The following ERC2 variants were observed in gnomAD, a reference collection of about 807,000 sequenced individuals.
ERC2 encodes the protein ELKS/RAB6-interacting/CAST family member 2.
ERC2 carries 42 observed loss-of-function variants against 114.8 expected under a neutral mutation model. That is an observed-to-expected ratio of 0.37 (90% CI 0.29 to 0.47). ERC2 has a LOEUF of 0.47. Among genes scored for constraint, ERC2 ranks in the 20% least tolerant of loss-of-function variants. The probability of loss-of-function intolerance (pLI) is 0.99; values close to 1 mark genes in which losing one functional copy is unlikely to be tolerated. For missense variants in ERC2, 939 were observed against 1,150.7 expected, an observed-to-expected ratio of 0.82 and a Z score of 2.66; for synonymous variants, 454 against 425.5, an observed-to-expected ratio of 1.07 and a Z score of -0.82.
At chr3:56,060,019 G>T (rs2076181999) in intron 7 of ERC2, among the ~76,000 whole-genome samples, 1 of 152,132 alleles carries the variant, frequency 6.6e-6, no homozygotes, top group Non-Finnish European at 1.5e-5. Context: ...ACATCTGCCT[G>T]GTTCCTCAGC....
intron 13 of ERC2, among the ~76,000 whole-genome samples, chr3:55,933,305 A>C (rs2066239249): frequency 6.6e-6 from 1 of 152,204 alleles, no homozygotes; most frequent in African/African-American, 2.4e-5. Flanking sequence ...CCCTCTGTGC[A>C]AAAATGAAAC....
intron 17 of ERC2, among the ~76,000 whole-genome samples, chr3:55,667,261 C>T (rs1191729465): frequency 6.6e-6 from 1 of 152,172 alleles, no homozygotes; most frequent in African/African-American, 2.4e-5. Flanking sequence ...AGATAGTGCT[C>T]ATCTTATGAT....
At chr3:55,696,326 C>T (rs148117924) in intron 16 of ERC2, among the ~76,000 whole-genome samples, 173 of 152,318 alleles carry the variant, frequency 1.1e-3, no homozygotes, top group African/African-American at 4.0e-3. Context: ...TGTAGCCCTT[C>T]TTCCATAAGT....
intron 6 of ERC2, among the ~76,000 whole-genome samples, chr3:56,090,823 G>T: frequency 6.7e-6 from 1 of 149,692 alleles, no homozygotes; most frequent in African/African-American, 2.5e-5. Context: ...TTCTAGCTTT[G>T]TCCACTGTAG....
At chr3:56,309,793 A>G (rs1351845475) in intron 2 of ERC2, among the ~76,000 whole-genome samples, 1 of 152,222 alleles carries the variant, frequency 6.6e-6, no homozygotes, top group African/African-American at 2.4e-5. Context: ...TGCTCCACAA[A>G]TGTTAGCTAT....
In ERC2 at chr3:56,355,326, C is replaced by CT. The variant is rs11329878; in HGVS notation, c.658-58892dup. Among the ~76,000 whole-genome samples, 655 of 141,010 alleles carry CT rather than the reference C, an allele frequency of 4.6e-3. 2 individuals are homozygous for CT. The highest frequency in any genetic ancestry group is 0.013 in the African/African-American group (487 of 38,262). 92.5% of individuals were successfully genotyped at this position (141,010 alleles called of 152,430 possible). A position where few individuals can be genotyped will look rare whatever the true frequency, so the allele number is the denominator to read the frequency against. On this transcript the variant is annotated intron_variant, in intron 2 of 17. Coordinates refer to ENST00000288221, the MANE Select transcript of ERC2 (RefSeq NM_015576.3). ...TTCTTTTTCTTTTTCTTTTTTCTTT[C>CT]TTTTTTTTTTTTAACACATTCTCAC...
Position 55,915,161 on chromosome 3 carries a change from T to TGG in ERC2, c.2404-26613_2404-26612insCC, listed in dbSNP as rs141376020. Among the ~76,000 whole-genome samples the TGG allele has an allele frequency of 9.0e-3, 1,371 of 152,272 alleles. 20 individuals carry two copies. Among genetic ancestry groups the TGG allele is most frequent in the African/African-American group, 0.031 (1,290 of 41,556 alleles). ...AGTAATTTCCATATTTGTCTCTACT[T>TGG]TACCAAGTATATAAACCCTATGCTG... is the stretch of plus-strand genomic sequence containing the variant. On this transcript the variant is annotated intron_variant, in intron 13 of 17. Coordinates refer to ENST00000288221, the MANE Select transcript of ERC2 (RefSeq NM_015576.3).
chr3:55,965,231 T>A (rs1426235435), intron 12 of ERC2, among the ~76,000 whole-genome samples: 1 of 152,202 alleles, frequency 6.6e-6, no homozygotes, highest in Non-Finnish European at 1.5e-5. Context: ...TCATATGCAA[T>A]ATCCAATAGA....
chr3:56,066,962 G>T (rs9835511), intron 7 of ERC2, among the ~76,000 whole-genome samples: 141,786 of 152,278 alleles, frequency 0.93, 66,350 homozygotes, highest in East Asian at 1. Flanking sequence ...CCTTGTAGTA[G>T]AGTTTGAAGT....
intron 14 of ERC2, among the ~76,000 whole-genome samples, chr3:55,877,705 G>A (rs985500907): frequency 6.6e-6 from 1 of 151,690 alleles, no homozygotes; most frequent in African/African-American, 2.4e-5. Context: ...TAGAGACAGG[G>A]TTTTGCCATA....
At chr3:55,914,289 G>A (rs2064975441) in intron 13 of ERC2, among the ~76,000 whole-genome samples, 1 of 152,042 alleles carries the variant, frequency 6.6e-6, no homozygotes, top group Non-Finnish European at 1.5e-5. Flanking sequence ...TCTGTTCTTA[G>A]TCTCACTCCC....
intron 17 of ERC2, among the ~76,000 whole-genome samples, chr3:55,555,117 T>C (rs138803621): frequency 3.3e-5 from 5 of 152,146 alleles, no homozygotes; most frequent in African/African-American, 9.6e-5. Context: ...ATAATCCTAA[T>C]AATTTGAGAC....
At chr3:56,440,453 C>G (rs1408936450) in intron 1 of ERC2, among the ~76,000 whole-genome samples, 1 of 151,114 alleles carries the variant, frequency 6.6e-6, no homozygotes, top group Admixed American at 6.6e-5. Flanking sequence ...GAGGCTGAGG[C>G]AGGAGAATGG....
intron 17 of ERC2, among the ~76,000 whole-genome samples, chr3:55,559,262 C>T (rs2055840223): frequency 6.6e-6 from 1 of 152,230 alleles, no homozygotes; most frequent in South Asian, 2.1e-4. Context: ...AATGGTTCTC[C>T]AACTCAGAGG....
chr3:55,638,259 G>C (rs942833949), intron 17 of ERC2, among the ~76,000 whole-genome samples: 7 of 152,170 alleles, frequency 4.6e-5, no homozygotes, highest in Non-Finnish European at 8.8e-5. Flanking sequence ...GGGTTTTTGT[G>C]AGAATTAACC....
chr3:56,064,154 C>T (rs2076364908), intron 7 of ERC2, among the ~76,000 whole-genome samples: 1 of 152,284 alleles, frequency 6.6e-6, no homozygotes, highest in Non-Finnish European at 1.5e-5. Context: ...TGGTCAAATG[C>T]CCCATGTTTG....
intron 12 of ERC2, among the ~76,000 whole-genome samples, chr3:55,959,992 C>G (rs1381013617): frequency 6.6e-6 from 1 of 152,168 alleles, no homozygotes; most frequent in African/African-American, 2.4e-5. Flanking sequence ...AAAGCCCTGC[C>G]CAGAGCCAAT....
chr3:55,549,950 G>GAGAGAGAGAGAGAGATAC (rs1553699170), intron 17 of ERC2, among the ~76,000 whole-genome samples: 3 of 142,168 alleles, frequency 2.1e-5, no homozygotes, highest in African/African-American at 7.8e-5. Context: ...GAGAGAGAGA[G>GAGAGAGAGAGAGAGATAC]AGAGAGAGAC....
chr3:55,685,392 T>C (rs918945715), intron 16 of ERC2, among the ~76,000 whole-genome samples: 21 of 152,220 alleles, frequency 1.4e-4, no homozygotes, highest in Admixed American at 3.3e-4. Context: ...ATGTAAAAAT[T>C]ATCTGTGTTT....
Sources: allele counts gnomAD v4.1 joint callset (sites outside exome capture counted in the v4.1 genomes callset), GRCh38; gene constraint gnomAD v4.1.1; transcripts MANE v1.5; gene names NCBI Gene and HGNC (gene_info 2026-07-23, HGNC 2026-07-21).